The following SLC25A48 variants were observed in gnomAD, a reference collection of about 807,000 sequenced individuals.
The protein encoded by SLC25A48 is CTC-321K16.1.
Under a neutral mutation model 32.2 loss-of-function variants are expected in SLC25A48, and 29 were observed. That is an observed-to-expected ratio of 0.90 (90% CI 0.67 to 1.23). The LOEUF is 1.23. Ranked by LOEUF, SLC25A48 falls within the 50% of genes most tolerant of loss-of-function variation. The pLI is 0.00. For synonymous variants in SLC25A48, 164 were observed against 172.3 expected, an observed-to-expected ratio of 0.95 and a Z score of 0.38; for missense variants, 399 against 422.7, an observed-to-expected ratio of 0.94 and a Z score of 0.49.
chr5:135,651,244 C>CCAA (rs2126925527), intron 3 of SLC25A48, among the ~76,000 whole-genome samples: 1 of 152,306 alleles, frequency 6.6e-6, no homozygotes, highest in East Asian at 1.9e-4. Flanking sequence ...CAATGCCTTG[C>CCAA]TCCTGCAGAT....
rs1561567656 is a variant in SLC25A48, at chr5:135,886,619, ATATATATATATAT to A, written c.*8-1412_*8-1400del. On this transcript the variant is annotated intron_variant, in intron 7 of 7. Transcript: ENST00000681962. ...TATATATATATATATATATATATAT[ATATATATATATAT>A]ATATAAAATATATATATGTGTGTGT... 1.3e-3 allele frequency among the ~76,000 whole-genome samples: 32 copies of A among 24,408 alleles called. 1 individual carries two copies. Among genetic ancestry groups the A allele is most frequent in the African/African-American group, 4.8e-3 (25 of 5,192 alleles). The allele number at this position is 24,408 out of a possible 152,430, so 16.0% of individuals were successfully genotyped here.
intron 5 of SLC25A48, among the ~76,000 whole-genome samples, chr5:135,873,575 CA>C: frequency 6.6e-6 from 1 of 152,340 alleles, no homozygotes; most frequent in Non-Finnish European, 1.5e-5. Context: ...CAGTGAGCTG[CA>C]AACCTTCAGC....
chr5:135,581,565 T>G (rs1751235427), intron 1 of SLC25A48, among the ~76,000 whole-genome samples: 1 of 152,268 alleles, frequency 6.6e-6, no homozygotes. Flanking sequence ...ATATGTTGAT[T>G]GATTAACTGG....
rs768100399 is a variant in SLC25A48, at chr5:135,888,032, G to A, written c.*8G>A. On this transcript the variant is annotated splice_region_variant and 3_prime_UTR_variant, in exon 8 of 8. Transcript: ENST00000681962. ...AGTCTGGGTTGTTTGCTGTTTCCAG[G>A]AGGTGAACACAGGATGACTACAGTG... The A allele has an allele frequency of 3.0e-5, 47 of 1,551,302 alleles. No individual in the cohort carries two copies. In the Admixed American group the frequency reaches 9.0e-4, roughly 30 times the overall value.
intron 3 of SLC25A48, among the ~76,000 whole-genome samples, chr5:135,676,492 C>T (rs1753770630): frequency 1.3e-5 from 2 of 151,688 alleles, no homozygotes; most frequent in African/African-American, 2.4e-5. Context: ...ATTATATCTC[C>T]TCTTCTACTA....
intron 3 of SLC25A48, among the ~76,000 whole-genome samples, chr5:135,734,845 AG>A (rs1755320876): frequency 1.3e-5 from 2 of 151,236 alleles, no homozygotes; most frequent in Admixed American, 6.6e-5. Flanking sequence ...AAGAAGAAGA[AG>A]AAGGGGACGG....
intron 4 of SLC25A48, among the ~76,000 whole-genome samples, chr5:135,815,283 G>T (rs1289962246): frequency 6.6e-6 from 1 of 152,180 alleles, no homozygotes; most frequent in African/African-American, 2.4e-5. Context: ...CTCATAAGGA[G>T]CATGAAACCT....
chr5:135,763,968 G>C (rs777200841), intron 3 of SLC25A48, among the ~76,000 whole-genome samples: 32 of 152,166 alleles, frequency 2.1e-4, no homozygotes, highest in Non-Finnish European at 4.6e-4. Flanking sequence ...TGTCTGCCGG[G>C]TTCAAGCAAT....
At chr5:135,593,739 G>A (rs949412012) in intron 1 of SLC25A48, among the ~76,000 whole-genome samples, 1 of 152,212 alleles carries the variant, frequency 6.6e-6, no homozygotes, top group African/African-American at 2.4e-5. Flanking sequence ...TTAGATTATG[G>A]ATCTTGGAGA....
chr5:135,728,969 C>T (rs183018078), intron 3 of SLC25A48, among the ~76,000 whole-genome samples: 56 of 152,218 alleles, frequency 3.7e-4, no homozygotes, highest in Admixed American at 1.4e-3. Context: ...TTAACATCTT[C>T]TTTGAGGCTC....
chr5:135,862,842 T>C (rs1760908171), intron 4 of SLC25A48, among the ~76,000 whole-genome samples: 1 of 152,120 alleles, frequency 6.6e-6, no homozygotes, highest in Admixed American at 6.5e-5. Flanking sequence ...GTGGGGGTTT[T>C]GGAAGATGTG....
chr5:135,847,644 A>G (rs1759529389), intron 2 of SLC25A48, among the ~76,000 whole-genome samples: 1 of 152,186 alleles, frequency 6.6e-6, no homozygotes, highest in Non-Finnish European at 1.5e-5. Flanking sequence ...TTCTTCCCAC[A>G]GAAGAGGAAG....
chr5:135,631,412 G>T (rs1752566603), intron 2 of SLC25A48, among the ~76,000 whole-genome samples: 1 of 152,228 alleles, frequency 6.6e-6, no homozygotes, highest in Non-Finnish European at 1.5e-5. Flanking sequence ...GCCATGGCTT[G>T]TGCCTTTGGG....
intron 3 of SLC25A48, among the ~76,000 whole-genome samples, chr5:135,794,889 A>C (rs1238567892): frequency 6.6e-6 from 1 of 151,748 alleles, no homozygotes; most frequent in African/African-American, 2.4e-5. Flanking sequence ...AACCCTTTTG[A>C]TATTGTTTCT....
At chr5:135,733,185 C>T (rs951400958) in intron 3 of SLC25A48, among the ~76,000 whole-genome samples, 1 of 152,180 alleles carries the variant, frequency 6.6e-6, no homozygotes, top group African/African-American at 2.4e-5. Flanking sequence ...GGGGGCAGAG[C>T]AGTAGCCTCA....
intron 3 of SLC25A48, among the ~76,000 whole-genome samples, chr5:135,851,513 T>A (rs1253404765): frequency 6.6e-6 from 1 of 152,154 alleles, no homozygotes; most frequent in Non-Finnish European, 1.5e-5. Flanking sequence ...CTAAGCCACA[T>A]CCCAAGTTAT....
chr5:135,637,385 C>G (rs910282297), intron 3 of SLC25A48, among the ~76,000 whole-genome samples: 1 of 152,116 alleles, frequency 6.6e-6, no homozygotes, highest in South Asian at 2.1e-4. Flanking sequence ...CCTCCCACTT[C>G]TTGGAAAGGA....
chr5:135,833,685 C>T (rs555898863), upstream of SLC25A48, among the ~76,000 whole-genome samples: 30 of 152,310 alleles, frequency 2.0e-4, no homozygotes, highest in Non-Finnish European at 3.4e-4. Context: ...TGTCCTCTCC[C>T]GATACAGGTC....
Position 135,780,879 on chromosome 5 carries a change from G to A in SLC25A48, c.-520-31644G>A. On this transcript the variant is annotated intron_variant, in intron 3 of 10. Coordinates refer to the SLC25A48 transcript ENST00000646290. Reference sequence around the variant, plus strand: ...TTTCTAATATCCAAGGTGGGGAGAGGATAATATTACTCCCAATATTCCAGG... The same window carrying A: ...TTTCTAATATCCAAGGTGGGGAGAGAATAATATTACTCCCAATATTCCAGG... Among the ~76,000 whole-genome samples the A allele has an allele frequency of 1.7e-5, 2 of 115,754 alleles. 1 individual carries two copies. The highest frequency in any genetic ancestry group is 4.3e-5 in the Non-Finnish European group (2 of 47,034). 75.9% of individuals were successfully genotyped at this position (115,754 alleles called of 152,430 possible). A position where few individuals can be genotyped will look rare whatever the true frequency, so the allele number is the denominator to read the frequency against.
Sources: gnomAD v4.1 joint callset for allele counts (sites outside exome capture counted in the v4.1 genomes callset) on GRCh38, gnomAD v4.1.1 for gene constraint, MANE v1.5 for transcripts, NCBI Gene and HGNC (gene_info 2026-07-23, HGNC 2026-07-21) for gene names.